The following OSBP variants were observed in gnomAD, a reference collection of about 807,000 sequenced individuals.
OSBP encodes the protein oxysterol-binding protein 1.
A neutral mutation model predicts 96.6 loss-of-function variants in OSBP; 32 were observed. The observed-to-expected ratio is 0.33, with a 90% CI of 0.25 to 0.45. The LOEUF is 0.45. Ranked by LOEUF, OSBP falls within the 20% of genes least tolerant of loss-of-function variation. The probability of loss-of-function intolerance (pLI) is 1.00; values close to 1 mark genes in which losing one functional copy is unlikely to be tolerated. For missense variants in OSBP, 653 were observed against 1,029.7 expected (o/e 0.63, Z 5.01); for synonymous variants, 369 against 389.6 (o/e 0.95, Z 0.62).
chr11:59,582,235 G>C (rs908323442), intron 9 of OSBP, among the ~76,000 whole-genome samples: 1 of 152,208 alleles, frequency 6.6e-6, no homozygotes, highest in Non-Finnish European at 1.5e-5. Context: ...AGGATGCCAG[G>C]CTCCACCATG....
At chr11:59,611,664 A>G (rs1783778565) in intron 1 of OSBP, among the ~76,000 whole-genome samples, 1 of 152,182 alleles carries the variant, frequency 6.6e-6, no homozygotes, top group Admixed American at 6.5e-5. Context: ...GTTCATTCCT[A>G]AGGTCCACCA....
chr11:59,578,946 A>G (rs753862178), intron 11 of OSBP, among the ~76,000 whole-genome samples: 3 of 152,170 alleles, frequency 2.0e-5, no homozygotes, highest in Admixed American at 6.5e-5. Flanking sequence ...ATACTCTTTT[A>G]GTTATTTTAA....
chr11:59,587,705 C>T (rs948821141), intron 9 of OSBP, among the ~76,000 whole-genome samples: 4 of 152,036 alleles, frequency 2.6e-5, no homozygotes, highest in African/African-American at 9.7e-5. Context: ...ATGGAGTAAC[C>T]GGAACCTTTG....
At chr11:59,580,625 C>T (rs1860409217) in intron 10 of OSBP, among the ~76,000 whole-genome samples, 1 of 152,212 alleles carries the variant, frequency 6.6e-6, no homozygotes, top group African/African-American at 2.4e-5. Context: ...CTCACAATTG[C>T]AAATTACATA....
chr11:59,589,917 A>T (rs527561017), intron 9 of OSBP, among the ~76,000 whole-genome samples: 1 of 151,990 alleles, frequency 6.6e-6, no homozygotes, highest in Non-Finnish European at 1.5e-5. Context: ...CAGGAGGAGG[A>T]GGTTGCAGTG....
rs202156177 is a variant in OSBP at position 59,576,586 on chromosome 11, G to T, written c.2415C>A (p.Asp805Glu). 144 of 1,612,956 alleles carry T rather than the reference G, an allele frequency of 8.9e-5. No homozygotes were observed. Among genetic ancestry groups the T allele is most frequent in the Non-Finnish European group, 3.8e-5 (45 of 1,179,786 alleles). ...KEKQDWSSCP[D>E]IF is the part of the protein sequence containing the mutation. The stretch of plus-strand genomic sequence containing the variant: ...TTTTGTTACTGCCGTTTCAGAAAAT[G>T]TCCGGGCATGAGCTCCAGTCCTGTT... The change falls in exon 14 of 14, where the codon GAC (aspartate) becomes GAA (glutamate). Residue 805 changes from aspartate to glutamate, a missense_variant. Physicochemically the swap from Asp to Glu is conservative, Grantham distance 45 (BLOSUM62 2). This residue lies in a region of OSBP where 169 missense variants were observed against 251.5 expected (regional missense o/e 0.67). Transcript: ENST00000263847.
intron 9 of OSBP, among the ~76,000 whole-genome samples, chr11:59,584,505 C>G (rs562933177): frequency 3.9e-4 from 60 of 152,194 alleles, no homozygotes; most frequent in Admixed American, 8.5e-4. Flanking sequence ...CTGGTAAATG[C>G]AATACACCAC....
intron 9 of OSBP, among the ~76,000 whole-genome samples, chr11:59,592,468 G>C (rs116032872): frequency 3.3e-5 from 5 of 152,178 alleles, no homozygotes; most frequent in African/African-American, 9.7e-5. Flanking sequence ...GCTATACCTC[G>C]TGAAAGACTA....
chr11:59,596,462 A>G lies in OSBP; in HGVS notation c.1312-2207T>C, dbSNP rs1242719332. Among the ~76,000 whole-genome samples the G allele has an allele frequency of 5.3e-5, 8 of 152,184 alleles. No homozygotes were observed. The East Asian group carries it at 1.3e-3, about 26-fold the overall frequency. ...TGCCCATCAACAACCAGTTTCTCCA[A>G]AAGTGCCAAGCTTCTTATAATGGTC... On this transcript the variant is annotated intron_variant, in intron 7 of 13. Coordinates refer to ENST00000263847, the MANE Select transcript of OSBP (RefSeq NM_002556.3).
chr11:59,603,464 T>A (rs1409368694), intron 3 of OSBP, among the ~76,000 whole-genome samples: 1 of 148,928 alleles, frequency 6.7e-6, no homozygotes, highest in Non-Finnish European at 1.5e-5. Context: ...AATATCCAAC[T>A]CCCTATTCAA....
intron 9 of OSBP, among the ~76,000 whole-genome samples, chr11:59,587,734 G>A (rs1860518713): frequency 6.6e-6 from 1 of 152,234 alleles, no homozygotes; most frequent in East Asian, 1.9e-4. Context: ...TGGTGGGAAT[G>A]TATAACCATT....
At chr11:59,593,845 A>C in intron 8 of OSBP, 121 bp from the exon 9 acceptor site, 1 of 1,457,078 alleles carries the variant, frequency 6.9e-7, no homozygotes, top group East Asian at 2.4e-5. Context: ...CAGTAGGTGA[A>C]TCCCAGAACC....
At chr11:59,589,051 T>A (rs912498665) in intron 9 of OSBP, among the ~76,000 whole-genome samples, 12 of 150,566 alleles carry the variant, frequency 8.0e-5, no homozygotes, top group Non-Finnish European at 1.8e-4. Context: ...GAAACAAAAA[T>A]TGGAAAAAGG....
intron 9 of OSBP, 161 bp downstream of exon 9, chr11:59,593,443 T>C: frequency 1.5e-6 from 1 of 683,464 alleles, no homozygotes; most frequent in Non-Finnish European, 2.5e-6. Flanking sequence ...CACACTCATT[T>C]GATAGCTGAA....
chr11:59,592,226 C>T (rs752358155), intron 9 of OSBP, among the ~76,000 whole-genome samples: 3 of 152,200 alleles, frequency 2.0e-5, no homozygotes, highest in Non-Finnish European at 4.4e-5. Flanking sequence ...TGGTAAAGAT[C>T]AAGACTGATG....
At position 59,599,437 on chromosome 11, in the gene OSBP, C is replaced by T. The variant is rs188815890; in HGVS notation, c.1311+1059G>A. Among the ~76,000 whole-genome samples the T allele has an allele frequency of 6.7e-4, 102 of 152,208 alleles. 1 individual carries two copies. The highest frequency in any genetic ancestry group is 2.3e-3 in the African/African-American group (96 of 41,522). On this transcript the variant is annotated intron_variant, in intron 7 of 13. Transcript: ENST00000263847. ...AATTTTTTTTTTTGTCTCCCCAACC[C>T]CACAGTTGGCCCCATGAATTTGTTT...
In OSBP at chr11:59,615,761, C is replaced by G; in HGVS notation, c.-97G>C. ...ACACGGCTACCGCATCAGCCACCGC[C>G]GCGCAGCGTCCCCGCCCCGCCCGGC... On this transcript the variant is annotated 5_prime_UTR_variant, in exon 1 of 14. Coordinates refer to ENST00000263847, the MANE Select transcript of OSBP (RefSeq NM_002556.3). 1 of 1,216,208 alleles carries G rather than the reference C, an allele frequency of 8.2e-7. No homozygotes were observed. The highest frequency in any genetic ancestry group is 4.4e-5 in the Admixed American group (1 of 22,650). 75.3% of individuals were successfully genotyped at this position (1,216,208 alleles called of 1,614,324 possible).
intron 9 of OSBP, among the ~76,000 whole-genome samples, chr11:59,585,442 C>T (rs535874126): frequency 4.2e-4 from 63 of 150,818 alleles, no homozygotes; most frequent in Non-Finnish European, 7.7e-4. Context: ...GCCCGGCAGC[C>T]GCCCCGTCTG....
chr11:59,593,544 A>G, intron 9 of OSBP, 60 bp downstream of exon 9: 2 of 1,597,616 alleles, frequency 1.3e-6, no homozygotes, highest in South Asian at 2.2e-5. Flanking sequence ...GACCTCCTCC[A>G]TCGTGCCAGA....
Sources: gnomAD v4.1 joint callset for allele counts (sites outside exome capture counted in the v4.1 genomes callset) on GRCh38, gnomAD v4.1.1 for gene constraint, gnomAD v4.1.1 regional missense constraint, MANE v1.5 for transcripts, NCBI Gene and HGNC (gene_info 2026-07-23, HGNC 2026-07-21) for gene names.